Variants in LDB2 observed in about 807,000 individuals in gnomAD.
LDB2 encodes LIM domain binding 2.
Under a neutral mutation model 44.3 loss-of-function variants are expected in LDB2, and 12 were observed. The observed-to-expected ratio is 0.27, with a 90% confidence interval of 0.17 to 0.44. LDB2 has a LOEUF of 0.44. Among genes scored for constraint, LDB2 ranks in the 20% least tolerant of loss-of-function variants. The probability of loss-of-function intolerance (pLI) is 1.00; values close to 1 mark genes in which losing one functional copy is unlikely to be tolerated. For synonymous variants in LDB2, 164 were observed against 174.8 expected, an observed-to-expected ratio of 0.94 and a Z score of 0.49; for missense variants, 344 against 473.5, an observed-to-expected ratio of 0.73 and a Z score of 2.54.
chr4:16,616,316 A>G (rs1727321174), intron 2 of LDB2, among the ~76,000 whole-genome samples: 1 of 152,174 alleles, frequency 6.6e-6, no homozygotes, highest in South Asian at 2.1e-4. Flanking sequence ...TATTATTATT[A>G]ACTTGCCATA....
chr4:16,537,412 A>G (rs1577472501), intron 5 of LDB2, among the ~76,000 whole-genome samples: 1 of 152,236 alleles, frequency 6.6e-6, no homozygotes, highest in African/African-American at 2.4e-5. Flanking sequence ...AAAACAAAGT[A>G]TGTGTGAAAC....
intron 1 of LDB2, among the ~76,000 whole-genome samples, chr4:16,827,355 A>C (rs1467783764): frequency 1.3e-5 from 2 of 151,792 alleles, no homozygotes; most frequent in Non-Finnish European, 2.9e-5. Flanking sequence ...TGAAAGAAAT[A>C]AGTGCTAAGA....
At chr4:16,821,268 T>C (rs1227292775) in intron 1 of LDB2, among the ~76,000 whole-genome samples, 1 of 152,256 alleles carries the variant, frequency 6.6e-6, no homozygotes, top group Non-Finnish European at 1.5e-5. Flanking sequence ...CCTGAGAGTT[T>C]CAGTGCAAGT....
chr4:16,791,282 C>T (rs1775643874), intron 1 of LDB2, among the ~76,000 whole-genome samples: 1 of 152,018 alleles, frequency 6.6e-6, no homozygotes, highest in South Asian at 2.1e-4. Flanking sequence ...AACGGCTGGG[C>T]GGGGTGACTC....
At chr4:16,550,475 C>G (rs1248260021) in intron 5 of LDB2, among the ~76,000 whole-genome samples, 2 of 152,170 alleles carry the variant, frequency 1.3e-5, no homozygotes, top group Non-Finnish European at 2.9e-5. Flanking sequence ...GAGTATATTT[C>G]CTGTGTGAAA....
At chr4:16,556,210 C>G (rs1330241594) in intron 5 of LDB2, among the ~76,000 whole-genome samples, 2 of 152,202 alleles carry the variant, frequency 1.3e-5, no homozygotes, top group Non-Finnish European at 2.9e-5. Context: ...TCACTTCACC[C>G]AACCATAAGC....
chr4:16,641,616 C>T (rs1471670092), intron 2 of LDB2, among the ~76,000 whole-genome samples: 2 of 152,098 alleles, frequency 1.3e-5, no homozygotes, highest in Non-Finnish European at 2.9e-5. Flanking sequence ...ACCAGATCTC[C>T]TGTGAACTCA....
intron 2 of LDB2, among the ~76,000 whole-genome samples, chr4:16,659,665 A>ATGTG (rs1285754753): frequency 0.038 from 3,662 of 97,614 alleles, 81 homozygotes; most frequent in South Asian, 0.055. Context: ...GAGTATATCT[A>ATGTG]TGTGTGTATA....
chr4:16,644,145 A>G (rs1051074349), intron 2 of LDB2, among the ~76,000 whole-genome samples: 1 of 152,204 alleles, frequency 6.6e-6, no homozygotes, highest in Non-Finnish European at 1.5e-5. Flanking sequence ...CCGTTTGAAG[A>G]AGCTCTGTTT....
intron 1 of LDB2, among the ~76,000 whole-genome samples, chr4:16,830,820 A>G (rs1468771154): frequency 1.3e-5 from 2 of 152,192 alleles, no homozygotes; most frequent in Non-Finnish European, 2.9e-5. Flanking sequence ...TTGGTTCATG[A>G]AAGGAAGATG....
At chr4:16,595,954 C>A in intron 2 of LDB2, 79 bp from the exon 3 acceptor site, 1 of 1,385,026 alleles carries the variant, frequency 7.2e-7, no homozygotes, top group Non-Finnish European at 9.9e-7. Context: ...ATTGCCAAAC[C>A]TCCTAAAACC....
chr4:16,502,608 G>C lies in LDB2; in HGVS notation c.*35C>G, dbSNP rs763093497. ...ATTTGCAATTGTAATGATCACCCAC[G>C]GGCCTATTGACAGTGGATTCTGGTG... On this transcript the variant is annotated 3_prime_UTR_variant, in exon 8 of 8. Transcript: ENST00000304523. The C allele has an allele frequency of 4.4e-6, 7 of 1,606,718 alleles. No individual in the cohort carries two copies. The highest frequency in any genetic ancestry group is 6.0e-6 in the Non-Finnish European group (7 of 1,173,794).
chr4:16,525,158 G>T (rs1469477565), intron 5 of LDB2, among the ~76,000 whole-genome samples: 1 of 152,178 alleles, frequency 6.6e-6, no homozygotes, highest in Non-Finnish European at 1.5e-5. Flanking sequence ...CCGCAAGACT[G>T]TTAAAGACAG....
At chr4:16,600,489 C>T (rs1722280492) in intron 2 of LDB2, among the ~76,000 whole-genome samples, 1 of 151,906 alleles carries the variant, frequency 6.6e-6, no homozygotes, top group African/African-American at 2.4e-5. Context: ...GTAAAATATA[C>T]CATACATTAT....
chr4:16,802,474 T>A (rs16894024), intron 1 of LDB2, among the ~76,000 whole-genome samples: 9,390 of 152,212 alleles, frequency 0.062, 666 homozygotes, highest in African/African-American at 0.17. Flanking sequence ...CCATCAGAAC[T>A]TCTTGCTAGA....
chr4:16,535,547 A>G (rs1731535865), intron 5 of LDB2, among the ~76,000 whole-genome samples: 1 of 152,158 alleles, frequency 6.6e-6, no homozygotes, highest in Non-Finnish European at 1.5e-5. Context: ...CTTATGGGGG[A>G]AGAACACGGG....
intron 1 of LDB2, among the ~76,000 whole-genome samples, chr4:16,854,926 T>G (rs1789046280): frequency 6.6e-6 from 1 of 151,806 alleles, no homozygotes; most frequent in African/African-American, 2.4e-5. Context: ...AGAAAAAGGG[T>G]AGGAAGCAAG....
chr4:16,785,396 G>T (rs1007544374), intron 1 of LDB2, among the ~76,000 whole-genome samples: 1 of 152,054 alleles, frequency 6.6e-6, no homozygotes, highest in Non-Finnish European at 1.5e-5. Flanking sequence ...ATATTCCCTG[G>T]GAGACGTGGT....
At chr4:16,509,302 G>A (rs1288234803) in intron 6 of LDB2, among the ~76,000 whole-genome samples, 1 of 152,122 alleles carries the variant, frequency 6.6e-6, no homozygotes, top group Non-Finnish European at 1.5e-5. Flanking sequence ...CCATGGTTTG[G>A]GCCCTGCTGT....
Sources: gnomAD v4.1 joint callset for allele counts (sites outside exome capture counted in the v4.1 genomes callset) on GRCh38, gnomAD v4.1.1 for gene constraint, MANE v1.5 for transcripts, NCBI Gene and HGNC (gene_info 2026-07-23, HGNC 2026-07-21) for gene names.